GNB1: variants seen among roughly 807,000 people sequenced by gnomAD.
GNB1 encodes the protein G protein subunit beta 1.
A neutral mutation model predicts 42.9 loss-of-function variants in GNB1; 2 were observed. That is an observed-to-expected ratio of 0.05 (90% confidence interval 0.02 to 0.15). The LOEUF (loss-of-function observed/expected upper bound fraction) is 0.15, where lower values mean the gene tolerates loss of function less well. GNB1 is among the 10% of genes least tolerant of loss of function. The pLI, the probability that GNB1 is intolerant of heterozygous loss-of-function variation, is 1.00. For missense variants in GNB1, 193 were observed against 462.2 expected (o/e 0.42, Z 5.34); for synonymous variants, 183 against 174.7 (o/e 1.05, Z -0.38).
intron 1 of GNB1, among the ~76,000 whole-genome samples, chr1:1,880,526 C>T (rs939786494): frequency 6.6e-6 from 1 of 151,774 alleles, no homozygotes; most frequent in East Asian, 1.9e-4. Context: ...GCGGAGCTGG[C>T]AGTGAGCCGA....
At chr1:1,808,480 T>G (rs1254649145) in intron 5 of GNB1, among the ~76,000 whole-genome samples, 1 of 152,096 alleles carries the variant, frequency 6.6e-6, no homozygotes, top group Non-Finnish European at 1.5e-5. Context: ...CAGTTGCTTA[T>G]GAGAGGTCCT....
rs553111028 is a variant in GNB1 at position 1,799,171 on chromosome 1, C to T, written c.430+5248G>A. On this transcript the variant is annotated intron_variant, in intron 7 of 11. Transcript: ENST00000378609. The stretch of plus-strand genomic sequence containing the variant: ...TCCTGACCTCGTGATCCGCCTGCCT[C>T]GGCCTCCCAAAGTGCTGGGATTACA... Among the ~76,000 whole-genome samples the T allele has an allele frequency of 4.6e-5, 7 of 152,272 alleles. No homozygotes were observed. In the South Asian group the frequency reaches 8.3e-4, roughly 18 times the overall value.
chr1:1,859,242 G>A lies in GNB1; in HGVS notation c.-95-20004C>T, dbSNP rs373466917. On this transcript the variant is annotated intron_variant, in intron 1 of 11. Coordinates refer to ENST00000378609, the MANE Select transcript of GNB1 (RefSeq NM_002074.5). ...TCACAATGTTGGCCAGGCTGGTCTC[G>A]AATTCCTGACCTCAAGTGATCCACC... Among the ~76,000 whole-genome samples the A allele has an allele frequency of 5.3e-5, 8 of 152,184 alleles. No individual in the cohort carries two copies. In the East Asian group the frequency reaches 9.7e-4, roughly 18 times the overall value.
intron 1 of GNB1, among the ~76,000 whole-genome samples, chr1:1,843,376 T>C (rs1647431088): frequency 6.6e-6 from 1 of 152,030 alleles, no homozygotes; most frequent in Non-Finnish European, 1.5e-5. Flanking sequence ...TGTGCCACCA[T>C]GCCCAGCTAA....
intron 1 of GNB1, among the ~76,000 whole-genome samples, chr1:1,881,301 G>A (rs1649833519): frequency 6.6e-6 from 1 of 152,044 alleles, no homozygotes; most frequent in Non-Finnish European, 1.5e-5. Context: ...TTTGCCAACT[G>A]ACTAGAGTCC....
chr1:1,883,301 G>GA (rs921852416), intron 1 of GNB1, among the ~76,000 whole-genome samples: 32 of 142,958 alleles, frequency 2.2e-4, no homozygotes, highest in Non-Finnish European at 2.9e-4. Context: ...AAAAGAAAAA[G>GA]AAAAAAAAAC....
In GNB1 at chr1:1,852,512, G is replaced by C. The variant is rs533967961; in HGVS notation, c.-95-13274C>G. Among the ~76,000 whole-genome samples, 129 of 152,050 alleles carry C rather than the reference G, an allele frequency of 8.5e-4. 1 individual carries two copies. The highest frequency in any genetic ancestry group is 1.2e-3 in the Non-Finnish European group (84 of 67,968). On this transcript the variant is annotated intron_variant, in intron 1 of 11. Transcript: ENST00000378609. ...CCCAAAGTGCTAGGATTACAGGCTC[G>C]AGCCACGGCGCCCGGCCTCAAAATA...
chr1:1,861,466 T>C (rs1416879448), intron 1 of GNB1, among the ~76,000 whole-genome samples: 1 of 151,514 alleles, frequency 6.6e-6, no homozygotes, highest in Non-Finnish European at 1.5e-5. Context: ...AAAATAATAA[T>C]AATAATAATA....
chr1:1,872,079 G>A (rs1362953798), intron 1 of GNB1, among the ~76,000 whole-genome samples: 2 of 150,172 alleles, frequency 1.3e-5, no homozygotes, highest in Non-Finnish European at 2.9e-5. Context: ...ATAGCTCACT[G>A]CAAACTCCAA....
At chr1:1,806,768 G>A (rs983893967) in intron 5 of GNB1, among the ~76,000 whole-genome samples, 7 of 152,166 alleles carry the variant, frequency 4.6e-5, no homozygotes, top group African/African-American at 1.7e-4. Context: ...GAGGTCAGGA[G>A]TTCAAGACCA....
chr1:1,789,416 G>T, intron 9 of GNB1, 147 bp from the exon 10 acceptor site: 1 of 612,794 alleles, frequency 1.6e-6, no homozygotes, highest in Non-Finnish European at 2.9e-6. Flanking sequence ...GGCTGGGCCG[G>T]GTGCGGTGGC....
intron 3 of GNB1, among the ~76,000 whole-genome samples, chr1:1,824,247 A>C (rs1646968167): frequency 6.6e-6 from 1 of 152,176 alleles, no homozygotes; most frequent in South Asian, 2.1e-4. Context: ...ACTTGCATTA[A>C]ATGTTTCTCT....
chr1:1,867,470 A>T (rs1279529598), intron 1 of GNB1, among the ~76,000 whole-genome samples: 1 of 152,100 alleles, frequency 6.6e-6, no homozygotes, highest in African/African-American at 2.4e-5. Flanking sequence ...GCTACTGACA[A>T]TTTTTTGCTT....
At chr1:1,840,054 AC>A (rs921168473) in intron 1 of GNB1, among the ~76,000 whole-genome samples, 8 of 151,290 alleles carry the variant, frequency 5.3e-5, no homozygotes, top group South Asian at 2.1e-4. Flanking sequence ...AAAAAAAAAA[AC>A]GTTTCTACTA....
intron 1 of GNB1, among the ~76,000 whole-genome samples, chr1:1,885,573 G>A (rs1358034898): frequency 8.2e-5 from 2 of 24,464 alleles, no homozygotes; most frequent in Non-Finnish European, 2.0e-4. Flanking sequence ...TTTTTTTTTT[G>A]TGAAACGGAG....
At chr1:1,828,270 G>A (rs1159897625) in intron 2 of GNB1, among the ~76,000 whole-genome samples, 2 of 152,128 alleles carry the variant, frequency 1.3e-5, no homozygotes, top group African/African-American at 4.8e-5. Context: ...GCAGTGAGCC[G>A]AGATCTTGCC....
intron 1 of GNB1, among the ~76,000 whole-genome samples, chr1:1,855,203 C>T (rs1343785079): frequency 6.6e-6 from 1 of 150,728 alleles, no homozygotes; most frequent in East Asian, 1.9e-4. Context: ...TACCTGTAAT[C>T]CCAGTTACTT....
intron 3 of GNB1, among the ~76,000 whole-genome samples, chr1:1,821,905 C>A (rs1455004160): frequency 2.6e-5 from 4 of 152,118 alleles, no homozygotes; most frequent in African/African-American, 7.2e-5. Flanking sequence ...GAGGCTGAGG[C>A]GGGAAGATCC....
intron 1 of GNB1, among the ~76,000 whole-genome samples, chr1:1,865,092 C>T (rs757463596): frequency 5.3e-5 from 8 of 150,842 alleles, no homozygotes; most frequent in Non-Finnish European, 1.2e-4. Context: ...GAAACCTCAT[C>T]TCTACTAAAA....
Sources: gnomAD v4.1 joint callset for allele counts (sites outside exome capture counted in the v4.1 genomes callset) on GRCh38, gnomAD v4.1.1 for gene constraint, MANE v1.5 for transcripts, NCBI Gene and HGNC (gene_info 2026-07-23, HGNC 2026-07-21) for gene names.